Variants in TRAPPC9 observed in about 807,000 individuals in gnomAD.
The protein encoded by TRAPPC9 is trafficking protein particle complex subunit 9.
TRAPPC9 carries 83 observed loss-of-function variants against 124.0 expected under a neutral mutation model. That is an observed-to-expected ratio of 0.67 (90% CI 0.56 to 0.80). TRAPPC9 has a LOEUF of 0.80. TRAPPC9 is among the 30% of genes least tolerant of loss of function. The pLI is 0.00. For synonymous variants in TRAPPC9, 638 were observed against 617.5 expected (o/e 1.03, Z -0.49); for missense variants, 1,302 against 1,508.3 (o/e 0.86, Z 2.27).
intron 21 of TRAPPC9, among the ~76,000 whole-genome samples, chr8:139,735,528 G>C (rs973733014): frequency 6.6e-6 from 1 of 152,210 alleles, no homozygotes; most frequent in Non-Finnish European, 1.5e-5. Flanking sequence ...GGCGCGGTCT[G>C]AGCCTCTTGA....
intron 16 of TRAPPC9, among the ~76,000 whole-genome samples, chr8:140,242,799 G>A (rs969855664): frequency 4.6e-4 from 70 of 152,224 alleles, no homozygotes; most frequent in African/African-American, 1.4e-3. Context: ...AGTGTGGCAC[G>A]GCACGGGCCA....
chr8:140,145,027 C>T (rs1479547915), intron 17 of TRAPPC9, among the ~76,000 whole-genome samples: 1 of 151,542 alleles, frequency 6.6e-6, no homozygotes, highest in Non-Finnish European at 1.5e-5. Flanking sequence ...CAGGCGTGTG[C>T]CGTCACACCC....
At chr8:140,084,362 C>T (rs1419827870) in intron 17 of TRAPPC9, among the ~76,000 whole-genome samples, 1 of 152,128 alleles carries the variant, frequency 6.6e-6, no homozygotes, top group Non-Finnish European at 1.5e-5. Context: ...CTTTCACTTC[C>T]TTTCTGCCTC....
At chr8:140,392,467 C>T (rs1462106420) in intron 7 of TRAPPC9, among the ~76,000 whole-genome samples, 1 of 152,190 alleles carries the variant, frequency 6.6e-6, no homozygotes, top group Non-Finnish European at 1.5e-5. Context: ...ATGTTCTTTT[C>T]CTTGGATCAA....
At chr8:139,971,907 C>T (rs752514310) in intron 19 of TRAPPC9, among the ~76,000 whole-genome samples, 7 of 151,890 alleles carry the variant, frequency 4.6e-5, no homozygotes, top group South Asian at 4.2e-4. Flanking sequence ...CTGCGACGTC[C>T]ACCTCCTGGG....
intron 19 of TRAPPC9, among the ~76,000 whole-genome samples, chr8:139,964,527 T>C (rs1158955118): frequency 1.3e-5 from 2 of 152,212 alleles, no homozygotes; most frequent in East Asian, 1.9e-4. Flanking sequence ...AAGGCCACTC[T>C]GAGCCTCAGG....
chr8:140,251,021 T>C (rs2064119526), intron 16 of TRAPPC9, among the ~76,000 whole-genome samples: 1 of 152,134 alleles, frequency 6.6e-6, no homozygotes, highest in Admixed American at 6.5e-5. Flanking sequence ...AGCACAGTCA[T>C]AACAGGACAA....
In TRAPPC9 at chr8:139,776,685, C is replaced by T. The variant is rs1189611948; in HGVS notation, c.3056-44483G>A. Among the ~76,000 whole-genome samples the T allele has an allele frequency of 6.6e-6, 1 of 151,978 alleles. No individual in the cohort carries two copies. Among genetic ancestry groups the T allele is most frequent in the Admixed American group, 6.5e-5 (1 of 15,268 alleles). ...GTCTGTGTGTGTGTGCGCACACACA[C>T]ACAGAAAGGCACATGTGTGCTGGCT... is the stretch of plus-strand genomic sequence containing the variant. On this transcript the variant is annotated intron_variant, in intron 21 of 22. Transcript: ENST00000438773. The surrounding 1 kb of genome is among the most constrained non-coding windows in gnomAD (Gnocchi z 4.1).
At chr8:139,855,639 C>T (rs954100617) in intron 21 of TRAPPC9, among the ~76,000 whole-genome samples, 7 of 152,158 alleles carry the variant, frequency 4.6e-5, no homozygotes, top group Non-Finnish European at 8.8e-5. Flanking sequence ...GAGTCTTATG[C>T]GGTCAGCCCA....
chr8:140,297,084 T>G (rs1196475318), intron 11 of TRAPPC9, among the ~76,000 whole-genome samples: 3 of 152,104 alleles, frequency 2.0e-5, no homozygotes, highest in Non-Finnish European at 1.5e-5. Flanking sequence ...CAAAACACAG[T>G]GAGGACAGGA....
chr8:139,972,607 G>A (rs529488887), intron 19 of TRAPPC9, among the ~76,000 whole-genome samples: 2 of 152,204 alleles, frequency 1.3e-5, no homozygotes, highest in African/African-American at 4.8e-5. Flanking sequence ...CACAAGACAC[G>A]ACCTGGGCCC....
intron 20 of TRAPPC9, chr8:139,904,970 A>T (rs1394448235): frequency 6.6e-6 from 1 of 152,264 alleles, no homozygotes; most frequent in Non-Finnish European, 1.5e-5. Flanking sequence ...ATTATCTGCT[A>T]TTAACAGAGT....
chr8:140,348,764 A>G (rs1183125156), intron 9 of TRAPPC9, among the ~76,000 whole-genome samples: 2 of 152,208 alleles, frequency 1.3e-5, no homozygotes, highest in African/African-American at 4.8e-5. Context: ...ATCTGTGAAC[A>G]TGCCAAAAAG....
intron 21 of TRAPPC9, among the ~76,000 whole-genome samples, chr8:139,831,908 C>T (rs764587550): frequency 5.9e-5 from 9 of 152,254 alleles, no homozygotes; most frequent in Non-Finnish European, 1.2e-4. Flanking sequence ...CACTCCGTCA[C>T]GTTGCCTTGA....
chr8:139,891,653 C>T (rs1256227643), intron 20 of TRAPPC9, among the ~76,000 whole-genome samples: 3 of 152,208 alleles, frequency 2.0e-5, no homozygotes, highest in Non-Finnish European at 4.4e-5. Context: ...TCCCTGAATC[C>T]ATGAGTTATC....
In TRAPPC9 at chr8:139,731,208, C is replaced by T. The variant is rs761503804; in HGVS notation, c.3300G>A (p.Ser1100=). ...YLDAVQPSGQ[S]ACLGALLFLY... is the part of the protein sequence containing the mutation. Reference sequence around the variant, plus strand: ...GGAAGAGGAGGGCCCCGAGGCAGGCCGACTGGCCGGACGGCTGCACCTGAG... The same window carrying T: ...GGAAGAGGAGGGCCCCGAGGCAGGCTGACTGGCCGGACGGCTGCACCTGAG... The change falls in exon 23 of 23, where the codon TCG becomes TCA. Residue 1100 remains serine, a synonymous_variant. Transcript: ENST00000438773. 14 of 1,613,332 alleles carry T rather than the reference C, an allele frequency of 8.7e-6. No homozygotes were observed. The African/African-American group carries it at 1.1e-4, about 12-fold the overall frequency.
intron 20 of TRAPPC9, among the ~76,000 whole-genome samples, chr8:139,886,826 C>G (rs1830044619): frequency 6.6e-6 from 1 of 152,166 alleles, no homozygotes; most frequent in Admixed American, 6.5e-5. Context: ...TGAGAGGTTC[C>G]CATTCTGGTG....
Position 140,287,707 on chromosome 8 carries a change from C to T in TRAPPC9, c.1882G>A (p.Glu628Lys), listed in dbSNP as rs749700973. Residue 628 changes from glutamate to lysine, a missense_variant, in exon 13 of 23, where the codon GAG becomes AAG. Coordinates refer to ENST00000438773, the MANE Select transcript of TRAPPC9 (RefSeq NM_001160372.4). Reference sequence around the variant, plus strand: ...AGAGAAAGCGCCGCAGGGAGAGACTCGAACTCCACTCCGCTGGTGAGCAGC... The same window carrying T: ...AGAGAAAGCGCCGCAGGGAGAGACTTGAACTCCACTCCGCTGGTGAGCAGC... ...MGLLTSGVEF[E>K]SLPAALSLPA... 7 of 1,614,176 alleles carry T rather than the reference C, an allele frequency of 4.3e-6. No homozygotes were observed. The highest frequency in any genetic ancestry group is 2.2e-5 in the East Asian group (1 of 44,880).
At chr8:139,947,251 G>A (rs1834288302) in intron 19 of TRAPPC9, among the ~76,000 whole-genome samples, 1 of 152,132 alleles carries the variant, frequency 6.6e-6, no homozygotes, top group Non-Finnish European at 1.5e-5. Flanking sequence ...CTTCAGATGC[G>A]AGTGAGGGAT....
Sources: allele counts gnomAD v4.1 joint callset (sites outside exome capture counted in the v4.1 genomes callset), GRCh38; gene constraint gnomAD v4.1.1; non-coding constraint Gnocchi (gnomAD v3.1); transcripts MANE v1.5; gene names NCBI Gene and HGNC (gene_info 2026-07-23, HGNC 2026-07-21).